Variants in TAF1B observed in about 807,000 individuals in gnomAD.
The protein encoded by TAF1B is TATA box-binding protein-associated factor RNA polymerase I subunit B.
In TAF1B, 61 loss-of-function variants were observed where a neutral mutation model predicts 83.9. That is an observed-to-expected ratio of 0.73 (90% CI 0.59 to 0.90). The LOEUF (loss-of-function observed/expected upper bound fraction) is 0.90, where lower values mean the gene tolerates loss of function less well. Among genes scored for constraint, TAF1B ranks in the 40% least tolerant of loss-of-function variants. TAF1B has a pLI of 0.00. For missense variants in TAF1B, 625 were observed against 677.0 expected (o/e 0.92, Z 0.85); for synonymous variants, 221 against 224.6 (o/e 0.98, Z 0.14).
chr2:9,860,298 T>C (rs1407317050), intron 5 of TAF1B, among the ~76,000 whole-genome samples: 7 of 152,244 alleles, frequency 4.6e-5, no homozygotes. Context: ...GAGAGAGGTC[T>C]GAGCCGGAGA....
chr2:9,876,079 AACT>A (rs1664315023), intron 7 of TAF1B, 61 bp downstream of exon 7: 1 of 1,457,344 alleles, frequency 6.9e-7, no homozygotes, highest in East Asian at 2.4e-5. Context: ...TAAGTAGACA[AACT>A]TCGGATATTT....
Position 9,881,887 on chromosome 2 carries a change from CT to C in TAF1B, c.708-816del, listed in dbSNP as rs1321022710. On this transcript the variant is annotated intron_variant, in intron 7 of 14. Transcript: ENST00000263663. ...GGCAAGGTCCCACTCCTTAATGGTT[CT>C]TTCAGCAACAAACATCTAACATGTA... Among the ~76,000 whole-genome samples, 6 of 152,152 alleles carry C rather than the reference CT, an allele frequency of 3.9e-5. No homozygotes were observed. The East Asian group carries it at 1.2e-3, about 29-fold the overall frequency.
chr2:9,885,467 T>G (rs1458516060), intron 8 of TAF1B, among the ~76,000 whole-genome samples: 2 of 152,244 alleles, frequency 1.3e-5, no homozygotes, highest in Non-Finnish European at 2.9e-5. Context: ...TGTGAGTCAT[T>G]ATGAGTGATT....
At chr2:9,848,553 C>T (rs969853657) in intron 2 of TAF1B, among the ~76,000 whole-genome samples, 1 of 152,144 alleles carries the variant, frequency 6.6e-6, no homozygotes, top group Non-Finnish European at 1.5e-5. Context: ...TTAATCCCAG[C>T]TGCTCAGGAG....
At chr2:9,924,481 G>A (rs1473370886) in intron 14 of TAF1B, among the ~76,000 whole-genome samples, 2 of 152,160 alleles carry the variant, frequency 1.3e-5, no homozygotes, top group African/African-American at 2.4e-5. Flanking sequence ...AGCTCCAGTC[G>A]CAGAGCCTGA....
At chr2:9,879,686 C>T (rs955027518) in intron 7 of TAF1B, among the ~76,000 whole-genome samples, 3 of 151,830 alleles carry the variant, frequency 2.0e-5, no homozygotes, top group African/African-American at 4.8e-5. Context: ...AATTCTAGGG[C>T]GGAGTAGGAG....
At chr2:9,895,124 C>T (rs1206453493) in intron 8 of TAF1B, among the ~76,000 whole-genome samples, 2 of 152,236 alleles carry the variant, frequency 1.3e-5, no homozygotes, top group African/African-American at 2.4e-5. Context: ...AAAAAGGCCT[C>T]ATCCTCAGGG....
At position 9,911,533 on chromosome 2, in the gene TAF1B, A is replaced by G. The variant is rs998156542; in HGVS notation, c.1156A>G (p.Lys386Glu). 6.6e-7 allele frequency: 1 copy of G among 1,524,382 alleles called. No individual in the cohort carries two copies. The highest frequency in any genetic ancestry group is 8.9e-7 in the Non-Finnish European group (1 of 1,129,598). The allele number at this position is 1,524,382 out of a possible 1,614,324, so 94.4% of individuals were successfully genotyped here. A position where few individuals can be genotyped will look rare whatever the true frequency, so the allele number is the denominator to read the frequency against. ...CAGGTCTTTGTCTAATCTTGCTGAA[A>G]AGCATAATGAAAAGAACAAAAAAGG... Reference protein sequence around the residue: ...FEWSLSNLAEKHNEKNKKDKP... With the variant: ...FEWSLSNLAEEHNEKNKKDKP... The change falls in exon 11 of 15, where the codon AAG (lysine) becomes GAG (glutamate). Residue 386 changes from lysine to glutamate, a missense_variant. Transcript: ENST00000263663.
At chr2:9,843,901 A>T in intron 1 of TAF1B, 11 of 155,860 alleles carry the variant, frequency 7.1e-5, no homozygotes, top group East Asian at 1.9e-4. Context: ...GTTCCCTTTA[A>T]TGCTGGGGTG....
intron 5 of TAF1B, among the ~76,000 whole-genome samples, chr2:9,863,122 A>G (rs1158579188): frequency 5.3e-5 from 8 of 152,244 alleles, no homozygotes; most frequent in Admixed American, 2.6e-4. Flanking sequence ...TAAATGGGCT[A>G]AATGCTCCAA....
intron 14 of TAF1B, among the ~76,000 whole-genome samples, chr2:9,925,305 T>C (rs575892157): frequency 1.5e-4 from 23 of 151,974 alleles, no homozygotes; most frequent in South Asian, 8.3e-4. Flanking sequence ...CCGGGCATGG[T>C]GGTGCATGCC....
chr2:9,871,544 T>A (rs1320222677), intron 6 of TAF1B, among the ~76,000 whole-genome samples: 1 of 152,238 alleles, frequency 6.6e-6, no homozygotes, highest in Non-Finnish European at 1.5e-5. Context: ...CTGACTTGAT[T>A]GTTTTGGCCT....
intron 8 of TAF1B, among the ~76,000 whole-genome samples, chr2:9,888,824 A>G (rs1327785989): frequency 3.2e-5 from 3 of 92,634 alleles, no homozygotes; most frequent in African/African-American, 4.6e-5. Context: ...TTTTTTTAAG[A>G]CAAATTTTTG....
chr2:9,852,915 G>A (rs1374903613), intron 4 of TAF1B, among the ~76,000 whole-genome samples: 1 of 152,206 alleles, frequency 6.6e-6, no homozygotes, highest in African/African-American at 2.4e-5. Context: ...AGTCCAAACA[G>A]AACAACCACG....
In TAF1B at chr2:9,934,095, C is replaced by G; in HGVS notation, c.*111C>G. ...AAAATACTGCATATATATGTATAGA[C>G]TCTGACACATATTTACATATATATC... is the stretch of plus-strand genomic sequence containing the variant. On this transcript the variant is annotated 3_prime_UTR_variant, in exon 15 of 15. Coordinates refer to ENST00000263663, the MANE Select transcript of TAF1B (RefSeq NM_005680.3). The G allele has an allele frequency of 2.4e-6, 2 of 831,330 alleles. No homozygotes were observed. Among genetic ancestry groups the G allele is most frequent in the Non-Finnish European group, 3.7e-6 (2 of 542,194 alleles). The allele number at this position is 831,330 out of a possible 1,614,324, so 51.5% of individuals were successfully genotyped here. A position where few individuals can be genotyped will look rare whatever the true frequency, so the allele number is the denominator to read the frequency against.
chr2:9,886,608 ATTTC>A (rs555413718), intron 8 of TAF1B, among the ~76,000 whole-genome samples: 46 of 152,320 alleles, frequency 3.0e-4, no homozygotes, highest in African/African-American at 1.1e-3. Context: ...ATTTTCAAAA[ATTTC>A]TTCTATGTGT....
intron 7 of TAF1B, among the ~76,000 whole-genome samples, chr2:9,880,453 G>GA (rs1664468780): frequency 1.3e-5 from 1 of 78,116 alleles, no homozygotes; most frequent in South Asian, 4.3e-4. Flanking sequence ...TTTTTTTTTG[G>GA]AAAAACAAAT....
At chr2:9,867,178 G>C (rs1221512902) in intron 5 of TAF1B, among the ~76,000 whole-genome samples, 1 of 152,160 alleles carries the variant, frequency 6.6e-6, no homozygotes, top group Non-Finnish European at 1.5e-5. Context: ...GCAATGGAGA[G>C]AAAGAGTAGA....
At chr2:9,871,013 A>T (rs968366184) in intron 6 of TAF1B, among the ~76,000 whole-genome samples, 1 of 151,786 alleles carries the variant, frequency 6.6e-6, no homozygotes, top group Admixed American at 6.6e-5. Context: ...GGAGCCTCTG[A>T]TCTGCTCTGA....
Sources: allele counts gnomAD v4.1 joint callset (sites outside exome capture counted in the v4.1 genomes callset), GRCh38; gene constraint gnomAD v4.1.1; transcripts MANE v1.5; gene names NCBI Gene and HGNC (gene_info 2026-07-23, HGNC 2026-07-21).